LSAMP: variants seen among roughly 807,000 people sequenced by gnomAD.
LSAMP encodes the protein limbic system associated membrane protein, also known as limbic system-associated membrane protein.
Under a neutral mutation model 38.6 loss-of-function variants are expected in LSAMP, and 7 were observed. That is an observed-to-expected ratio of 0.18 (90% confidence interval 0.10 to 0.34). LSAMP has a LOEUF of 0.34. Among genes scored for constraint, LSAMP ranks in the 10% least tolerant of loss-of-function variants. The pLI is 1.00. For missense variants in LSAMP, 313 were observed against 420.0 expected, an observed-to-expected ratio of 0.75 and a Z score of 2.23; for synonymous variants, 154 against 166.8, an observed-to-expected ratio of 0.92 and a Z score of 0.59.
intron 1 of LSAMP, among the ~76,000 whole-genome samples, chr3:116,238,908 T>A (rs1281850463): frequency 1.3e-5 from 2 of 152,030 alleles, no homozygotes; most frequent in East Asian, 3.9e-4. Context: ...GAAGACTGCA[T>A]TGTGTGCTTT....
chr3:116,133,515 G>A (rs1709180951), intron 1 of LSAMP, among the ~76,000 whole-genome samples: 1 of 151,894 alleles, frequency 6.6e-6, no homozygotes, highest in Non-Finnish European at 1.5e-5. Context: ...GTCTCCCTAT[G>A]TTGCCTAGGC....
At chr3:116,156,575 G>A (rs1709754359) in intron 1 of LSAMP, among the ~76,000 whole-genome samples, 1 of 152,016 alleles carries the variant, frequency 6.6e-6, no homozygotes, top group Admixed American at 6.6e-5. Context: ...TTTATTGATA[G>A]GAAAAATGGT....
chr3:115,958,037 G>A lies in LSAMP; in HGVS notation c.514+61478C>T, dbSNP rs566907033. Among the ~76,000 whole-genome samples, 16 of 152,170 alleles carry A rather than the reference G, an allele frequency of 1.1e-4. No homozygotes were observed. The South Asian group carries it at 2.7e-3, about 26-fold the overall frequency. On this transcript the variant is annotated intron_variant, in intron 3 of 6. Coordinates refer to ENST00000490035, the MANE Select transcript of LSAMP (RefSeq NM_002338.5). ...CAGGAATGTAGTCATAACTAGTTGT[G>A]AGCCTGTTTTATTTTTTAGATGAGC... is the stretch of plus-strand genomic sequence containing the variant.
chr3:116,118,925 A>G (rs977316805), intron 1 of LSAMP, among the ~76,000 whole-genome samples: 2 of 152,182 alleles, frequency 1.3e-5, no homozygotes, highest in Non-Finnish European at 2.9e-5. Context: ...CAAATTTTGT[A>G]TGTGCATACA....
At chr3:116,383,258 C>G (rs1227424985) in intron 1 of LSAMP, among the ~76,000 whole-genome samples, 1 of 152,118 alleles carries the variant, frequency 6.6e-6, no homozygotes, top group Admixed American at 6.5e-5. Flanking sequence ...TCTACTCCCT[C>G]TTCTAAATCT....
chr3:116,267,907 G>T (rs2046913488), intron 1 of LSAMP, among the ~76,000 whole-genome samples: 1 of 152,032 alleles, frequency 6.6e-6, no homozygotes, highest in Non-Finnish European at 1.5e-5. Context: ...AAAGTCAATG[G>T]AGAGAGTCTC....
chr3:116,216,361 G>A (rs2046219434), intron 1 of LSAMP, among the ~76,000 whole-genome samples: 1 of 152,034 alleles, frequency 6.6e-6, no homozygotes, highest in Admixed American at 6.6e-5. Flanking sequence ...TGCTACCCTA[G>A]GTATGCTCTG....
At chr3:116,281,872 A>G (rs1388150248) in intron 1 of LSAMP, among the ~76,000 whole-genome samples, 1 of 152,208 alleles carries the variant, frequency 6.6e-6, no homozygotes, top group African/African-American at 2.4e-5. Context: ...AATGTTAGTT[A>G]CACTGACATC....
At chr3:116,319,136 C>T (rs2047674227) in intron 1 of LSAMP, among the ~76,000 whole-genome samples, 1 of 152,144 alleles carries the variant, frequency 6.6e-6, no homozygotes, top group Non-Finnish European at 1.5e-5. Flanking sequence ...TCTCTTTAAA[C>T]AGTGGTATTT....
intron 3 of LSAMP, among the ~76,000 whole-genome samples, chr3:115,931,076 G>T (rs903036392): frequency 1.3e-5 from 2 of 152,100 alleles, no homozygotes; most frequent in Non-Finnish European, 2.9e-5. Flanking sequence ...ACCCAATTGG[G>T]TGTTTATTCT....
At chr3:116,339,927 G>A (rs1163436686) in intron 1 of LSAMP, among the ~76,000 whole-genome samples, 1 of 152,088 alleles carries the variant, frequency 6.6e-6, no homozygotes, top group Admixed American at 6.6e-5. Flanking sequence ...CAGATATCAT[G>A]AAGCAGAAAC....
intron 1 of LSAMP, among the ~76,000 whole-genome samples, chr3:116,389,189 A>G (rs1261299222): frequency 1.3e-5 from 2 of 152,322 alleles, no homozygotes; most frequent in East Asian, 3.9e-4. Context: ...ACTGTAATCC[A>G]TTCTGTGAAC....
At chr3:115,910,936 C>T (rs1212642190) in intron 3 of LSAMP, among the ~76,000 whole-genome samples, 3 of 152,060 alleles carry the variant, frequency 2.0e-5, no homozygotes, top group South Asian at 2.1e-4. Context: ...TTAACAATGA[C>T]GTATATTTCA....
At chr3:116,007,896 ATTCATGTAGGTCTGG>A (rs1940207825) in intron 3 of LSAMP, among the ~76,000 whole-genome samples, 3 of 152,102 alleles carry the variant, frequency 2.0e-5, no homozygotes, top group South Asian at 4.1e-4. Flanking sequence ...AGAGTTTCTG[ATTCATGTAGGTCTGG>A]TGTGGAGTCT....
intron 3 of LSAMP, among the ~76,000 whole-genome samples, chr3:115,869,301 A>AGAGAGAGAGACT (rs1410947626): frequency 8.2e-4 from 124 of 151,556 alleles, no homozygotes; most frequent in African/African-American, 2.8e-3. Flanking sequence ...AGAGAGAGAG[A>AGAGAGAGAGACT]GACTGACTGA....
At chr3:116,105,095 T>TTA (rs904428326) in intron 1 of LSAMP, among the ~76,000 whole-genome samples, 2 of 151,992 alleles carry the variant, frequency 1.3e-5, no homozygotes, top group African/African-American at 4.8e-5. Flanking sequence ...AAAGTTTGAC[T>TTA]TGGGTATAGG....
At chr3:116,225,977 CTG>C (rs1432295959) in intron 1 of LSAMP, among the ~76,000 whole-genome samples, 1 of 152,124 alleles carries the variant, frequency 6.6e-6, no homozygotes, top group African/African-American at 2.4e-5. Flanking sequence ...AACTTATGTT[CTG>C]TGCATCTTTC....
At chr3:116,266,783 TTATATAA>T (rs1432203084) in intron 1 of LSAMP, among the ~76,000 whole-genome samples, 2 of 152,166 alleles carry the variant, frequency 1.3e-5, no homozygotes, top group Admixed American at 6.6e-5. Flanking sequence ...AAAAGATTAG[TTATATAA>T]TATATATGAT....
chr3:116,001,082 C>T (rs759865656), intron 3 of LSAMP, among the ~76,000 whole-genome samples: 3 of 151,950 alleles, frequency 2.0e-5, no homozygotes, highest in African/African-American at 4.8e-5. Flanking sequence ...TTATTACTAG[C>T]GGGTGCTTCT....
Sources: allele counts gnomAD v4.1 joint callset (sites outside exome capture counted in the v4.1 genomes callset), GRCh38; gene constraint gnomAD v4.1.1; transcripts MANE v1.5; gene names NCBI Gene and HGNC (gene_info 2026-07-23, HGNC 2026-07-21).